The following PMPCB variants were observed in gnomAD, a reference collection of about 807,000 sequenced individuals.
The protein encoded by PMPCB is mitochondrial-processing peptidase subunit beta.
PMPCB carries 46 observed loss-of-function variants against 61.5 expected under a neutral mutation model. The observed-to-expected ratio is 0.75, with a 90% CI of 0.59 to 0.96. The LOEUF (loss-of-function observed/expected upper bound fraction) is 0.96, where lower values mean the gene tolerates loss of function less well. Ranked by LOEUF, PMPCB falls within the 40% of genes least tolerant of loss-of-function variation. The pLI, the probability that PMPCB is intolerant of heterozygous loss-of-function variation, is 0.00. For synonymous variants in PMPCB, 191 were observed against 201.6 expected (o/e 0.95, Z 0.44); for missense variants, 590 against 602.4 (o/e 0.98, Z 0.22).
At chr7:103,342,740 C>G in the PMPCB span, among the ~76,000 whole-genome samples, 1 of 151,476 alleles carries the variant, frequency 6.6e-6, no homozygotes. Flanking sequence ...TCCCGAGTAG[C>G]TGGGACTACA....
chr7:103,319,660 T>A (rs369916864), downstream of PMPCB: 2 of 1,613,990 alleles, frequency 1.2e-6, no homozygotes, highest in African/African-American at 2.7e-5. Flanking sequence ...ATGTGAGTGT[T>A]TCATTCAAGC....
At chr7:103,304,844 A>T (rs760400619) in intron 6 of PMPCB, among the ~76,000 whole-genome samples, 1 of 152,066 alleles carries the variant, frequency 6.6e-6, no homozygotes, top group Non-Finnish European at 1.5e-5. Flanking sequence ...CTGTAGTCCC[A>T]GCTACTCGGG....
the PMPCB span, chr7:103,344,692 C>G: frequency 6.6e-7 from 1 of 1,507,744 alleles, no homozygotes; most frequent in Non-Finnish European, 9.1e-7. Context: ...AGGGTCCCCT[C>G]CAGCTCTACC....
rs974344556 is a variant in PMPCB at position 103,322,672 on chromosome 7, C to T, written c.*1432-6259C>T. 1.9e-6 allele frequency: 3 copies of T among 1,612,902 alleles called. No individual in the cohort carries two copies. The African/African-American group carries it at 4.0e-5, about 22-fold the overall frequency. ...AGTTAATCTCATTTTGAATTTCTAA[C>T]ATTTAGGGGACTTAAATCAATTCTA... is the stretch of plus-strand genomic sequence containing the variant. On this transcript the variant is annotated intron_variant and NMD_transcript_variant, in intron 12 of 12. Coordinates refer to the PMPCB transcript ENST00000444457.
chr7:103,297,657 C>T (rs1217345152), intron 1 of PMPCB, 99 bp downstream of exon 1: 3 of 1,561,236 alleles, frequency 1.9e-6, no homozygotes, highest in East Asian at 4.8e-5. Flanking sequence ...GTGGGTCGGG[C>T]AGGGCCTCCT....
chr7:103,317,624 C>G (rs989957875), downstream of PMPCB, among the ~76,000 whole-genome samples: 2 of 152,122 alleles, frequency 1.3e-5, no homozygotes. Context: ...TGATTCCCAT[C>G]ATCACATTCA....
Position 103,312,853 on chromosome 7 carries a change from ATAT to A in PMPCB, c.*588_*590del. The A allele has an allele frequency of 6.5e-7, 1 of 1,534,580 alleles. No individual in the cohort carries two copies. The highest frequency in any genetic ancestry group is 8.7e-7 in the Non-Finnish European group (1 of 1,147,550). On this transcript the variant is annotated 3_prime_UTR_variant, in exon 13 of 13. Transcript: ENST00000249269. Reference sequence around the variant, plus strand: ...AACTACTGGTTTTGAAATAAGCACTATATTATTAACCACTTAATAGACATAAAA... The same window carrying A: ...AACTACTGGTTTTGAAATAAGCACTATATTAACCACTTAATAGACATAAAA...
At chr7:103,337,659 T>C in the PMPCB span, 1 of 1,159,184 alleles carries the variant, frequency 8.6e-7, no homozygotes, top group Admixed American at 1.9e-5. Context: ...ACTATGATAC[T>C]GTATATCTTT....
intron 6 of PMPCB, among the ~76,000 whole-genome samples, chr7:103,306,599 C>G (rs992451749): frequency 6.6e-6 from 1 of 152,038 alleles, no homozygotes; most frequent in East Asian, 1.9e-4. Context: ...TCAGGCTGGT[C>G]TACCTCTACC....
At position 103,300,182 on chromosome 7, in the gene PMPCB, C is replaced by T; in HGVS notation, c.332C>T (p.Thr111Ile). Residue 111 changes from threonine (T) to isoleucine (I), a missense_variant, in exon 4 of 13, where the codon ACC becomes ATC. Transcript: ENST00000249269. Reference sequence around the variant, plus strand: ...TTTTTCCTCTTTTATTTCAAGGGCACCAAGAAGAGATCCCAGTTAGATCTG... The same window carrying T: ...TTTTTCCTCTTTTATTTCAAGGGCATCAAGAAGAGATCCCAGTTAGATCTG... ...HFLEHMAFKG[T>I]KKRSQLDLEL... is the part of the protein sequence containing the mutation. The T allele has an allele frequency of 6.2e-7, 1 of 1,609,544 alleles. No homozygotes were observed. The highest frequency in any genetic ancestry group is 8.5e-7 in the Non-Finnish European group (1 of 1,178,342).
rs914077424 is a variant in PMPCB at position 103,304,411 on chromosome 7, A to T, written c.657A>T (p.Lys219Asn). Residue 219 changes from lysine (K) to asparagine (N), a missense_variant and splice_region_variant, in exon 6 of 13, where the codon AAA becomes AAT. Transcript: ENST00000249269. ...RTILGPTENIKSISRKDLVDY... is the reference protein window; with the variant it reads ...RTILGPTENINSISRKDLVDY... The stretch of plus-strand genomic sequence containing the variant: ...AAAAATTGTTTTACTTCATTTACAG[A>T]TCTATAAGTCGTAAGGACTTAGTGG... 1 of 1,549,086 alleles carries T rather than the reference A, an allele frequency of 6.5e-7. No homozygotes were observed. Among genetic ancestry groups the T allele is most frequent in the African/African-American group, 1.4e-5 (1 of 73,370 alleles).
At chr7:103,317,084 A>G, downstream of PMPCB, 2 of 1,390,122 alleles carry the variant, frequency 1.4e-6, no homozygotes, top group Non-Finnish European at 2.0e-6. Flanking sequence ...CTTCCTGGCT[A>G]GGGCTTTGTG....
chr7:103,329,491 T>C (rs941527579), exon 13 of PMPCB: 40 of 152,404 alleles, frequency 2.6e-4, no homozygotes, highest in African/African-American at 8.9e-4. Context: ...TTTATTTACA[T>C]TGACTGATCA....
At chr7:103,307,749 C>T (rs1373528493) in intron 7 of PMPCB, 41 bp downstream of exon 7, 2 of 1,099,684 alleles carry the variant, frequency 1.8e-6, no homozygotes, top group East Asian at 2.4e-5. Context: ...CTTTTGGATT[C>T]CTTGTGTTGT....
downstream of PMPCB, chr7:103,317,022 AAT>A (rs750346479): frequency 6.2e-7 from 1 of 1,611,000 alleles, no homozygotes; most frequent in East Asian, 2.2e-5. Context: ...TATCTGCACA[AAT>A]ATCATAAGTC....
chr7:103,328,876 T>A, intron 12 of PMPCB: 1 of 527,640 alleles, frequency 1.9e-6, no homozygotes, highest in Non-Finnish European at 2.9e-6. Flanking sequence ...ATAATGCCAA[T>A]TTGAATAATT....
the PMPCB span, among the ~76,000 whole-genome samples, chr7:103,345,608 T>C: frequency 6.8e-6 from 1 of 147,448 alleles, no homozygotes; most frequent in Non-Finnish European, 1.5e-5. Context: ...TTAAATATAT[T>C]ATATATATAT....
chr7:103,310,276 TA>T, intron 8 of PMPCB, 38 bp from the exon 9 acceptor site: 4 of 1,533,326 alleles, frequency 2.6e-6, no homozygotes, highest in Non-Finnish European at 3.6e-6. Flanking sequence ...TTTGGACATG[TA>T]TAATTAAAAT....
downstream of PMPCB, chr7:103,319,576 CAT>C: frequency 6.2e-7 from 1 of 1,601,986 alleles, no homozygotes; most frequent in Non-Finnish European, 8.6e-7. Flanking sequence ...TTAAATGCTA[CAT>C]ATAGGTAGGA....
Sources: allele counts gnomAD v4.1 joint callset (sites outside exome capture counted in the v4.1 genomes callset), GRCh38; gene constraint gnomAD v4.1.1; transcripts MANE v1.5; gene names NCBI Gene and HGNC (gene_info 2026-07-23, HGNC 2026-07-21).